Variants in CFAP97D2 observed in about 807,000 individuals in gnomAD.
CFAP97D2 encodes CFAP97 domain containing 2.
At chr13:114,204,051 C>T (rs1243940434) in intron 3 of CFAP97D2, among the ~76,000 whole-genome samples, 1 of 152,104 alleles carries the variant, frequency 6.6e-6, no homozygotes, top group Non-Finnish European at 1.5e-5. Flanking sequence ...CTATCTCAGC[C>T]AGTGGCATGG....
chr13:114,182,349 C>T (rs2080837516), intron 1 of CFAP97D2, among the ~76,000 whole-genome samples: 1 of 152,182 alleles, frequency 6.6e-6, no homozygotes, highest in Admixed American at 6.5e-5. Context: ...TTTCTCCTAT[C>T]TCAGAATTGA....
chr13:114,219,433 T>C (rs1594524065), intron 4 of CFAP97D2, among the ~76,000 whole-genome samples: 1 of 152,260 alleles, frequency 6.6e-6, no homozygotes, highest in East Asian at 1.9e-4. Context: ...TTGCAACCAA[T>C]GTTTCAAATT....
In CFAP97D2 at chr13:114,211,988, A is replaced by G. The variant is rs1357606350; in HGVS notation, c.367A>G (p.Thr123Ala). Residue 123 changes from threonine (T) to alanine (A), a missense_variant, in exon 4 of 5, where the codon ACT becomes GCT. Coordinates refer to ENST00000646158, the Ensembl canonical transcript of CFAP97D2. The surrounding 1 kb of genome is among the most constrained non-coding windows in gnomAD (Gnocchi z 4.2). ...ACGGCCATTCTGGAAGGAATCACAC[A>G]CTCAGAACCATGGTATGGAGCTCAA... is the stretch of plus-strand genomic sequence containing the variant. The G allele has an allele frequency of 5.8e-5, 23 of 398,642 alleles. No homozygotes were observed. Among genetic ancestry groups the G allele is most frequent in the Non-Finnish European group, 1.0e-4 (23 of 226,178 alleles). 24.7% of individuals were successfully genotyped at this position (398,642 alleles called of 1,614,324 possible). A position where few individuals can be genotyped will look rare whatever the true frequency, so the allele number is the denominator to read the frequency against.
chr13:114,182,374 G>A lies in CFAP97D2; in HGVS notation c.90+2954G>A, dbSNP rs552419955. 6.5e-3 allele frequency among the ~76,000 whole-genome samples: 992 copies of A among 152,008 alleles called. 4 individuals are homozygous for A. The highest frequency in any genetic ancestry group is 0.027 in the Middle Eastern group (8 of 292). ...CTCAGAATTGAACAAATGTACAATC[G>A]GGTTTTATACCGAGACATTCAGTTC... On this transcript the variant is annotated intron_variant, in intron 1 of 4. Coordinates refer to ENST00000646158, the Ensembl canonical transcript of CFAP97D2.
At chr13:114,198,221 G>A (rs973510875) in intron 2 of CFAP97D2, among the ~76,000 whole-genome samples, 7 of 152,144 alleles carry the variant, frequency 4.6e-5, no homozygotes, top group Admixed American at 1.3e-4. Context: ...TCCTGACCTC[G>A]TGAAGTTTAC....
chr13:114,205,613 G>C (rs531595391), intron 3 of CFAP97D2, among the ~76,000 whole-genome samples: 1 of 151,742 alleles, frequency 6.6e-6, no homozygotes, highest in Non-Finnish European at 1.5e-5. Context: ...AGAACAGCTC[G>C]TCCCTTTGGG....
intron 1 of CFAP97D2, among the ~76,000 whole-genome samples, chr13:114,184,613 T>C (rs1234629741): frequency 6.6e-6 from 1 of 152,038 alleles, no homozygotes; most frequent in East Asian, 1.9e-4. Context: ...AGCAAGACCC[T>C]AGAATTCTGT....
intron 1 of CFAP97D2, among the ~76,000 whole-genome samples, chr13:114,182,094 A>T (rs76552140): frequency 6.6e-6 from 1 of 150,694 alleles, no homozygotes; most frequent in Admixed American, 6.6e-5. Context: ...GTTTTTATTG[A>T]TTATTATTTT....
chr13:114,219,123 A>G (rs912083292), intron 4 of CFAP97D2, among the ~76,000 whole-genome samples: 2 of 152,204 alleles, frequency 1.3e-5, no homozygotes, highest in African/African-American at 4.8e-5. Flanking sequence ...TTTGCAATCT[A>G]CTCATCTGAC....
At position 114,211,661 on chromosome 13, in the gene CFAP97D2, C is replaced by T. The variant is rs540059622; in HGVS notation, c.291-251C>T. On this transcript the variant is annotated intron_variant, in intron 3 of 4. Coordinates refer to ENST00000646158, the Ensembl canonical transcript of CFAP97D2. The surrounding 1 kb of genome is among the most constrained non-coding windows in gnomAD (Gnocchi z 4.2). ...CTTCCCCGCTGTGCCCCATTGTGCTCACCCTGAAAACGCCCCTCCCGCCGT... is the reference window on the plus strand; with the variant it reads ...CTTCCCCGCTGTGCCCCATTGTGCTTACCCTGAAAACGCCCCTCCCGCCGT... Among the ~76,000 whole-genome samples the T allele has an allele frequency of 2.0e-5, 3 of 152,212 alleles. No homozygotes were observed. Among genetic ancestry groups the T allele is most frequent in the Non-Finnish European group, 2.9e-5 (2 of 68,044 alleles).
intron 1 of CFAP97D2, among the ~76,000 whole-genome samples, chr13:114,182,418 C>T (rs1210541205): frequency 5.9e-5 from 9 of 151,996 alleles, no homozygotes; most frequent in African/African-American, 9.7e-5. Flanking sequence ...AGGCAGGAGA[C>T]AGTGGCCTTC....
At chr13:114,201,581 C>G (rs2080918390) in intron 3 of CFAP97D2, among the ~76,000 whole-genome samples, 1 of 152,172 alleles carries the variant, frequency 6.6e-6, no homozygotes. Flanking sequence ...TCAAGGGAAG[C>G]CATGGGAAAG....
In CFAP97D2 at chr13:114,182,222, C is replaced by G. The variant is rs9525294; in HGVS notation, c.90+2802C>G. Among the ~76,000 whole-genome samples the G allele has an allele frequency of 6.4e-4, 95 of 147,784 alleles. 3 individuals carry two copies. The highest frequency in any genetic ancestry group is 2.3e-3 in the Admixed American group (35 of 14,920). On this transcript the variant is annotated intron_variant, in intron 1 of 4. Coordinates refer to ENST00000646158, the Ensembl canonical transcript of CFAP97D2. ...ATTAAGTTCAAGGGAAGGTACTATG[C>G]CTGGATGTGCACGTAGGCCAGATTT...
chr13:114,185,435 C>CG lies in CFAP97D2; in HGVS notation c.90+6017dup, dbSNP rs2080850956. On this transcript the variant is annotated intron_variant, in intron 1 of 4. Transcript: ENST00000646158. The surrounding 1 kb of genome is among the most constrained non-coding windows in gnomAD (Gnocchi z 5.2). ...GGCATGGCCAGGGCTGCACACTCCACGGAGCCTGTGGGAGCCAGGAATGAG... is the reference window on the plus strand; with the variant it reads ...GGCATGGCCAGGGCTGCACACTCCACGGGAGCCTGTGGGAGCCAGGAATGAG... Among the ~76,000 whole-genome samples, 1 of 152,170 alleles carries CG rather than the reference C, an allele frequency of 6.6e-6. No homozygotes were observed. Among genetic ancestry groups the CG allele is most frequent in the South Asian group, 2.1e-4 (1 of 4,830 alleles).
At position 114,222,127 on chromosome 13, in the gene CFAP97D2, T is replaced by C. The variant is rs2081024870; in HGVS notation, c.481-371T>C. ...AATGCCGCATGTTGTCTGATCCCTT[T>C]TATATGAAATGTCCAGAATAGGCAC... On this transcript the variant is annotated intron_variant, in intron 4 of 4. Coordinates refer to ENST00000646158, the Ensembl canonical transcript of CFAP97D2. This position sits in a 1 kb window ranked among gnomAD's most constrained non-coding sequence, Gnocchi z 4.4. Among the ~76,000 whole-genome samples, 1 of 152,240 alleles carries C rather than the reference T, an allele frequency of 6.6e-6. No homozygotes were observed. The highest frequency in any genetic ancestry group is 2.1e-4 in the South Asian group (1 of 4,834).
intron 2 of CFAP97D2, among the ~76,000 whole-genome samples, chr13:114,197,075 C>A (rs954041580): frequency 6.6e-6 from 1 of 152,224 alleles, no homozygotes; most frequent in Non-Finnish European, 1.5e-5. Flanking sequence ...CTCCAGGTAG[C>A]AGGCTTCAGG....
intron 1 of CFAP97D2, among the ~76,000 whole-genome samples, chr13:114,193,842 G>T (rs1237968506): frequency 1.3e-5 from 2 of 152,176 alleles, no homozygotes; most frequent in Non-Finnish European, 2.9e-5. Context: ...ATGTTGGCCA[G>T]GCTGCTCTTG....
chr13:114,209,696 A>C (rs1017581831), intron 3 of CFAP97D2, among the ~76,000 whole-genome samples: 1 of 152,212 alleles, frequency 6.6e-6, no homozygotes, highest in Non-Finnish European at 1.5e-5. Flanking sequence ...CCAAGCAGCC[A>C]AAGTCATCAT....
rs34230424 is a variant in CFAP97D2, at chr13:114,210,855, TACAC to T, written c.291-1024_291-1021del. ...AAATGAGAGAAGCACATTTCATTGA[TACAC>T]ACACACACACACACACACACACACA... On this transcript the variant is annotated intron_variant, in intron 3 of 4. Transcript: ENST00000646158. Among the ~76,000 whole-genome samples, 513 of 144,936 alleles carry T rather than the reference TACAC, an allele frequency of 3.5e-3. 1 individual carries two copies. The highest frequency in any genetic ancestry group is 8.9e-3 in the East Asian group (43 of 4,824).
Sources: allele counts gnomAD v4.1 joint callset (sites outside exome capture counted in the v4.1 genomes callset), GRCh38; gene constraint gnomAD v4.1.1; non-coding constraint Gnocchi (gnomAD v3.1); transcripts MANE v1.5; gene names NCBI Gene and HGNC (gene_info 2026-07-23, HGNC 2026-07-21).